ANK2: variants seen among roughly 807,000 people sequenced by gnomAD.
ANK2 encodes the protein ankyrin-2.
A neutral mutation model predicts 360.5 loss-of-function variants in ANK2; 83 were observed. That is an observed-to-expected ratio of 0.23 (90% confidence interval 0.19 to 0.28). The LOEUF is 0.28. Among genes scored for constraint, ANK2 ranks in the 10% least tolerant of loss-of-function variants. The probability of loss-of-function intolerance (pLI) is 1.00; values close to 1 mark genes in which losing one functional copy is unlikely to be tolerated. For missense variants in ANK2, 4,201 were observed against 4,795.7 expected (o/e 0.88, Z 3.66); for synonymous variants, 1,740 against 1,759.5 (o/e 0.99, Z 0.28).
At chr4:113,305,036 C>T (rs958056419) in intron 23 of ANK2, among the ~76,000 whole-genome samples, 1 of 152,052 alleles carries the variant, frequency 6.6e-6, no homozygotes, top group East Asian at 1.9e-4. Flanking sequence ...GAGTTATAAA[C>T]GAAATTTATA....
intron 1 of ANK2, among the ~76,000 whole-genome samples, chr4:113,091,788 G>A (rs1483040935): frequency 6.6e-6 from 1 of 152,180 alleles, no homozygotes; most frequent in Non-Finnish European, 1.5e-5. Context: ...CTTTGCGATG[G>A]TTATAGTCTT....
chr4:112,763,829 A>G, the ANK2 span, among the ~76,000 whole-genome samples: 43 of 151,772 alleles, frequency 2.8e-4, no homozygotes, highest in African/African-American at 9.2e-4. Flanking sequence ...CATATGTAGC[A>G]TTTTCATTGG....
the ANK2 span, among the ~76,000 whole-genome samples, chr4:112,712,399 TA>T: frequency 0.22 from 10,336 of 47,612 alleles, 465 homozygotes; most frequent in East Asian, 0.39. Context: ...TATATATATA[TA>T]TATATATTTT....
rs72892015 is a variant in ANK2, at chr4:113,116,930, A to G, written c.85-57486A>G. On this transcript the variant is annotated intron_variant, in intron 1 of 45. Transcript: ENST00000357077. ...AAGGATGGCTTTTTCAACTAGTAGG[A>G]TGCTTCTCTGCACTTGCAGCCACCC... 1,965 of 236,954 alleles carry G rather than the reference A, an allele frequency of 8.3e-3. 38 individuals are homozygous for G. The highest frequency in any genetic ancestry group is 0.041 in the African/African-American group (1,810 of 44,554). The allele number at this position is 236,954 out of a possible 1,614,324, so 14.7% of individuals were successfully genotyped here.
At chr4:113,210,490 A>G (rs1282861378) in intron 4 of ANK2, among the ~76,000 whole-genome samples, 1 of 152,208 alleles carries the variant, frequency 6.6e-6, no homozygotes, top group African/African-American at 2.4e-5. Flanking sequence ...TCAGCATTTG[A>G]TTTAAACCTG....
At chr4:112,719,703 G>A in the ANK2 span, among the ~76,000 whole-genome samples, 1 of 150,494 alleles carries the variant, frequency 6.6e-6, no homozygotes, top group South Asian at 2.1e-4. Flanking sequence ...CTCCAGCCTG[G>A]GCGACAGAGC....
chr4:112,793,865 T>C, the ANK2 span, among the ~76,000 whole-genome samples: 94,670 of 151,830 alleles, frequency 0.62, 31,280 homozygotes, highest in East Asian at 0.93. Context: ...GCCACCACAC[T>C]TGGCTATTTT....
chr4:112,717,942 G>A, the ANK2 span, among the ~76,000 whole-genome samples: 1 of 152,158 alleles, frequency 6.6e-6, no homozygotes, highest in Non-Finnish European at 1.5e-5. Flanking sequence ...AGCTGACTTA[G>A]TTCTTTCATC....
intron 20 of ANK2, among the ~76,000 whole-genome samples, chr4:113,289,215 C>CTTTTTT (rs33910138): frequency 2.3e-5 from 3 of 132,278 alleles, no homozygotes; most frequent in Admixed American, 7.8e-5. Context: ...ATTTCTTTTT[C>CTTTTTT]TTTTTTTTTT....
chr4:113,358,069 G>T lies in ANK2; in HGVS notation c.9451G>T (p.Ala3151Ser), dbSNP rs1423416014. 1.2e-6 allele frequency: 2 copies of T among 1,614,062 alleles called. No individual in the cohort carries two copies. The highest frequency in any genetic ancestry group is 1.7e-5 in the Admixed American group (1 of 60,006). ...ETLSEDVKEG[A>S]TGADPLPLET... ...TCTCTCTGAAGATGTGAAAGAAGGG[G>T]CTACTGGGGCTGATCCCCTACCGCT... Residue 3151 changes from alanine to serine, a missense_variant, in exon 38 of 46, where the codon GCT (alanine) becomes TCT (serine). Ala to Ser is a moderately conservative substitution (Grantham distance 99). Coordinates refer to ENST00000357077, the MANE Select transcript of ANK2 (RefSeq NM_001148.6).
At chr4:113,287,473 T>G (rs190367227) in intron 18 of ANK2, 132 bp from the exon 19 acceptor site, 551 of 746,792 alleles carry the variant, frequency 7.4e-4, no homozygotes, top group Middle Eastern at 2.5e-3. Flanking sequence ...TATCAGAAGA[T>G]ATAGTTTCTG....
At chr4:112,782,064 G>A in the ANK2 span, among the ~76,000 whole-genome samples, 1 of 152,090 alleles carries the variant, frequency 6.6e-6, no homozygotes, top group African/African-American at 2.4e-5. Flanking sequence ...TCCTGACCTC[G>A]TGATCCGCCA....
At position 113,383,599 on chromosome 4, in the gene ANK2, A is replaced by G. The variant is rs1306331968; in HGVS notation, c.*2128A>G. 1.3e-5 allele frequency: 2 copies of G among 152,630 alleles called. No individual in the cohort carries two copies. Among genetic ancestry groups the G allele is most frequent in the Non-Finnish European group, 2.9e-5 (2 of 68,030 alleles). The allele number at this position is 152,630 out of a possible 1,614,324, so 9.5% of individuals were successfully genotyped here. On this transcript the variant is annotated 3_prime_UTR_variant, in exon 46 of 46. Transcript: ENST00000357077. Reference sequence around the variant, plus strand: ...GTTGACGAATCAGCATCTTGTTCCCATGGTGATAACACTAATTGAATATAT... The same window carrying G: ...GTTGACGAATCAGCATCTTGTTCCCGTGGTGATAACACTAATTGAATATAT...
chr4:113,354,794 C>T lies in ANK2; in HGVS notation c.6176C>T (p.Thr2059Met), dbSNP rs200765866. The change falls in exon 38 of 46, where the codon ACG (threonine) becomes ATG (methionine). Residue 2059 changes from threonine (T) to methionine (M), a missense_variant. Thr to Met is a moderately conservative substitution (Grantham distance 81). Transcript: ENST00000357077. Reference sequence around the variant, plus strand: ...AAACGAGGCCAGAGACTCCCGGTAACGGGCACAGCAGAATCCAAAAGAGGA... The same window carrying T: ...AAACGAGGCCAGAGACTCCCGGTAATGGGCACAGCAGAATCCAAAAGAGGA... ...TIKRGQRLPV[T>M]GTAESKRGVR... 7.8e-4 allele frequency: 1,266 copies of T among 1,614,012 alleles called. 5 individuals are homozygous for T. The highest frequency in any genetic ancestry group is 1.6e-3 in the South Asian group (145 of 91,062).
At chr4:113,177,872 TC>T (rs1473851108) in intron 2 of ANK2, among the ~76,000 whole-genome samples, 1 of 152,228 alleles carries the variant, frequency 6.6e-6, no homozygotes, top group African/African-American at 2.4e-5. Context: ...GTGATATTTT[TC>T]TAACTTGTAA....
chr4:112,963,560 G>A lies in ANK2; in HGVS notation c.21+59046G>A, dbSNP rs569082102. ...TAGAGTAGCTCTTGGACAGTAGCAC[G>A]TGTCTTGAGAAGGGGCAGACTGAAT... On this transcript the variant is annotated intron_variant, in intron 2 of 30. Transcript: ENST00000503271. Among the ~76,000 whole-genome samples the A allele has an allele frequency of 1.5e-4, 23 of 152,244 alleles. No homozygotes were observed. The South Asian group carries it at 2.5e-3, about 16-fold the overall frequency.
intron 2 of ANK2, among the ~76,000 whole-genome samples, chr4:112,974,849 A>G (rs1229967027): frequency 7.0e-6 from 1 of 143,856 alleles, no homozygotes. Flanking sequence ...TAGAAAAAGA[A>G]AAAAAAAAAA....
the ANK2 span, chr4:112,788,180 C>T: frequency 1.3e-4 from 201 of 1,584,496 alleles, 1 homozygote; most frequent in South Asian, 8.7e-4. Flanking sequence ...ACCCCAGTGA[C>T]GGCAGATCTC....
chr4:112,779,626 T>C, the ANK2 span, among the ~76,000 whole-genome samples: 1 of 152,236 alleles, frequency 6.6e-6, no homozygotes, highest in African/African-American at 2.4e-5. Flanking sequence ...TACAAATGTA[T>C]GAGAGGACTC....
Sources: gnomAD v4.1 joint callset for allele counts (sites outside exome capture counted in the v4.1 genomes callset) on GRCh38, gnomAD v4.1.1 for gene constraint, MANE v1.5 for transcripts, NCBI Gene and HGNC (gene_info 2026-07-23, HGNC 2026-07-21) for gene names.